SP140: variants seen among roughly 807,000 people sequenced by gnomAD.
SP140 encodes the protein nuclear body protein SP140.
A neutral mutation model predicts 125.0 loss-of-function variants in SP140; 81 were observed. The observed-to-expected ratio is 0.65, with a 90% confidence interval of 0.54 to 0.78. SP140 has a LOEUF of 0.78. Ranked by LOEUF, SP140 falls within the 30% of genes least tolerant of loss-of-function variation. The pLI, the probability that SP140 is intolerant of heterozygous loss-of-function variation, is 0.00. For missense variants in SP140, 858 were observed against 1,037.0 expected (o/e 0.83, Z 2.37); for synonymous variants, 312 against 354.0 (o/e 0.88, Z 1.33).
At chr2:230,229,282 T>C (rs911577119) in intron 1 of SP140, among the ~76,000 whole-genome samples, 7 of 151,684 alleles carry the variant, frequency 4.6e-5, no homozygotes, top group Admixed American at 2.0e-4. Context: ...AACCACTCAA[T>C]ATGTTGTTGA....
downstream of SP140, among the ~76,000 whole-genome samples, chr2:230,315,899 A>G (rs762891812): frequency 1.1e-4 from 17 of 152,242 alleles, no homozygotes; most frequent in African/African-American, 3.1e-4. Context: ...TGTGTCAAAT[A>G]TGGTATCTTT....
intron 12 of SP140, 47 bp downstream of exon 12, chr2:230,255,579 G>A: frequency 1.3e-6 from 2 of 1,574,122 alleles, no homozygotes; most frequent in Non-Finnish European, 1.7e-6. Context: ...CAGAGTGTCA[G>A]GAGGTTGAAT....
chr2:230,263,879 G>A (rs1358049213), intron 12 of SP140, among the ~76,000 whole-genome samples: 2 of 152,178 alleles, frequency 1.3e-5, no homozygotes, highest in Non-Finnish European at 2.9e-5. Flanking sequence ...GTTACCTGGT[G>A]CTTCTGTCTC....
At position 230,308,119 on chromosome 2, in the gene SP140, T is replaced by C. The variant is rs1014521318; in HGVS notation, c.2059-1805T>C. Among the ~76,000 whole-genome samples the C allele has an allele frequency of 5.0e-4, 76 of 151,646 alleles. 1 individual carries two copies. The highest frequency in any genetic ancestry group is 6.6e-5 in the Admixed American group (1 of 15,236). ...TGGATGGAGTTGGAGACCATTATTC[T>C]AAGTGAAGTAACTCAGGAATGGAAA... On this transcript the variant is annotated intron_variant, in intron 22 of 26. Transcript: ENST00000392045.
At chr2:230,269,214 T>C (rs563734762) in intron 12 of SP140, among the ~76,000 whole-genome samples, 5 of 152,198 alleles carry the variant, frequency 3.3e-5, no homozygotes, top group African/African-American at 4.8e-5. Flanking sequence ...CAGTGGCCAA[T>C]TGGGATGAGT....
At chr2:230,299,693 G>C (rs2058107572) in intron 22 of SP140, among the ~76,000 whole-genome samples, 2 of 152,152 alleles carry the variant, frequency 1.3e-5, no homozygotes, top group South Asian at 2.1e-4. Context: ...TTTCTCAATG[G>C]GGGTGCTTCT....
Position 230,255,524 on chromosome 2 carries a change from G to T in SP140, c.1232G>T (p.Arg411Leu), listed in dbSNP as rs201567759. ...GAAGCCTCTAGCTCCCTAGCAAGAC[G>T]TGGGTCAGGTAAGGACGGGGGGGGG... is the stretch of plus-strand genomic sequence containing the variant. ...RQEASSSLAR[R>L]GSVSSELENH... is the part of the protein sequence containing the mutation. Residue 411 changes from arginine to leucine, a missense_variant, in exon 12 of 27, where the codon CGT becomes CTT. Physicochemically the swap from Arg to Leu is moderately radical, Grantham distance 102. Transcript: ENST00000392045. 6.3e-7 allele frequency: 1 copy of T among 1,579,446 alleles called. No homozygotes were observed. The highest frequency in any genetic ancestry group is 1.1e-5 in the South Asian group (1 of 89,146).
intron 15 of SP140, among the ~76,000 whole-genome samples, chr2:230,271,216 T>A (rs1012922342): frequency 1.3e-5 from 2 of 152,192 alleles, no homozygotes; most frequent in African/African-American, 4.8e-5. Context: ...TTAAGAGTAA[T>A]ACAGATTTTG....
At chr2:230,309,590 C>T (rs11903152) in intron 22 of SP140, among the ~76,000 whole-genome samples, 35,886 of 152,162 alleles carry the variant, frequency 0.24, 5,243 homozygotes, top group African/African-American at 0.42. Flanking sequence ...TTTAACACTT[C>T]ATTTCAAAAC....
At position 230,237,010 on chromosome 2, in the gene SP140, C is replaced by A. The variant is rs1221564145; in HGVS notation, c.60-73C>A. 7.9e-7 allele frequency: 1 copy of A among 1,262,256 alleles called. No individual in the cohort carries two copies. The highest frequency in any genetic ancestry group is 1.1e-6 in the Non-Finnish European group (1 of 930,640). 78.2% of individuals were successfully genotyped at this position (1,262,256 alleles called of 1,614,324 possible). On this transcript the variant is annotated intron_variant, in intron 1 of 26. Transcript: ENST00000392045. The surrounding 1 kb of genome is among the most constrained non-coding windows in gnomAD (Gnocchi z 5.4). ...GCTCTCCATTGGCCATCCTTCATGTCTAAAATCTTCTAACCACCACAAACC... is the reference window on the plus strand; with the variant it reads ...GCTCTCCATTGGCCATCCTTCATGTATAAAATCTTCTAACCACCACAAACC...
At chr2:230,203,204 G>A (rs2043358130) in exon 1 of SP140, 1 of 182,080 alleles carries the variant, frequency 5.5e-6, no homozygotes, top group African/African-American at 2.4e-5. Context: ...ACCCTGCCAA[G>A]AAGGCGGCTA....
chr2:230,295,459 A>C (rs999694969), intron 21 of SP140, among the ~76,000 whole-genome samples: 6 of 152,224 alleles, frequency 3.9e-5, no homozygotes, highest in Non-Finnish European at 8.8e-5. Flanking sequence ...GCCAAGAGTA[A>C]CTGAGTCTGG....
rs543487525 is a variant in SP140, at chr2:230,282,436, C to G, written c.1499-1910C>G. Among the ~76,000 whole-genome samples, 16 of 152,314 alleles carry G rather than the reference C, an allele frequency of 1.1e-4. No individual in the cohort carries two copies. In the East Asian group the frequency reaches 2.3e-3, roughly 22 times the overall value. ...GGCAAATTTCCCCATGAAGACACCA[C>G]CCCATCAGCCACTCTGATTATTCGG... On this transcript the variant is annotated intron_variant, in intron 15 of 26. Coordinates refer to ENST00000392045, the MANE Select transcript of SP140 (RefSeq NM_007237.5).
intron 1 of SP140, among the ~76,000 whole-genome samples, chr2:230,209,563 G>T (rs1310830882): frequency 1.3e-5 from 2 of 152,214 alleles, no homozygotes; most frequent in Non-Finnish European, 1.5e-5. Flanking sequence ...TGAGGTGTGA[G>T]TGATGGATGG....
intron 12 of SP140, among the ~76,000 whole-genome samples, chr2:230,260,381 A>G (rs1439618045): frequency 1.3e-5 from 2 of 151,946 alleles, no homozygotes; most frequent in East Asian, 3.9e-4. Flanking sequence ...ATTTTCTCCC[A>G]CTCTGTGGGT....
rs200087087 is a variant in SP140, at chr2:230,214,929, G to C, written c.-91+855G>C. The C allele has an allele frequency of 1.9e-6, 3 of 1,609,246 alleles. No individual in the cohort carries two copies. In the African/African-American group the frequency reaches 4.0e-5, roughly 21 times the overall value. ...CATAGCAACTTTTTAAATGCAAAAA[G>C]CACTTGAGAAATCTCATTACCACGT... is the stretch of plus-strand genomic sequence containing the variant. On this transcript the variant is annotated intron_variant, in intron 3 of 4. Coordinates refer to the SP140 transcript ENST00000456542.
In SP140 at chr2:230,270,630, A is replaced by G. The variant is rs1326524636; in HGVS notation, c.1489A>G (p.Arg497Gly). ...CAACTCCACTTTGGGAAAACCCAAG[A>G]GGAAAAGAAGTAAGAATAAATAAGA... ...ANNSTLGKPKRKRRKKRGHGW... is the reference protein window; with the variant it reads ...ANNSTLGKPKGKRRKKRGHGW... Residue 497 changes from arginine to glycine, a missense_variant, in exon 15 of 27, where the codon AGG becomes GGG. By Grantham distance (125) the Arg-to-Gly change is moderately radical. Transcript: ENST00000392045. The G allele has an allele frequency of 4.4e-6, 7 of 1,607,082 alleles. No individual in the cohort carries two copies. Among genetic ancestry groups the G allele is most frequent in the Non-Finnish European group, 6.0e-6 (7 of 1,175,234 alleles).
intron 1 of SP140, among the ~76,000 whole-genome samples, chr2:230,233,970 C>T (rs2047619958): frequency 6.6e-6 from 1 of 152,176 alleles, no homozygotes; most frequent in African/African-American, 2.4e-5. Context: ...CCTAGGGGGT[C>T]CCTAACCCCA....
At chr2:230,295,962 A>G (rs2057676152) in intron 21 of SP140, among the ~76,000 whole-genome samples, 2 of 152,212 alleles carry the variant, frequency 1.3e-5, no homozygotes, top group Non-Finnish European at 2.9e-5. Flanking sequence ...TTTCAGGCCA[A>G]ACATGGTCAC....
Sources: gnomAD v4.1 joint callset for allele counts (sites outside exome capture counted in the v4.1 genomes callset) on GRCh38, gnomAD v4.1.1 for gene constraint, Gnocchi (gnomAD v3.1) non-coding constraint, MANE v1.5 for transcripts, NCBI Gene and HGNC (gene_info 2026-07-23, HGNC 2026-07-21) for gene names.